Variants in RGS6 observed in about 807,000 individuals in gnomAD.
RGS6 encodes the protein regulator of G-protein signaling 6.
A neutral mutation model predicts 78.5 loss-of-function variants in RGS6; 30 were observed. That is an observed-to-expected ratio of 0.38 (90% CI 0.29 to 0.52). The LOEUF (loss-of-function observed/expected upper bound fraction) is 0.52. RGS6 is among the 20% of genes least tolerant of loss of function. The pLI, the probability that RGS6 is intolerant of heterozygous loss-of-function variation, is 0.85. For missense variants in RGS6, 495 were observed against 609.7 expected, an observed-to-expected ratio of 0.81 and a Z score of 1.98; for synonymous variants, 206 against 206.0, an observed-to-expected ratio of 1.00 and a Z score of 0.00.
intron 15 of RGS6, among the ~76,000 whole-genome samples, chr14:72,529,493 A>G (rs756872080): frequency 6.6e-6 from 1 of 152,142 alleles, no homozygotes; most frequent in African/African-American, 2.4e-5. Context: ...GGAGTTGGCC[A>G]TATGACATGG....
the RGS6 span, among the ~76,000 whole-genome samples, chr14:71,903,104 G>GGATTTAGGGTTGAAAA: frequency 6.6e-6 from 1 of 152,218 alleles, no homozygotes; most frequent in African/African-American, 2.4e-5. Flanking sequence ...AAGAACTCCA[G>GGATTTAGGGTTGAAAA]GAACCTGGGA....
At chr14:71,876,356 T>A in the RGS6 span, among the ~76,000 whole-genome samples, 11 of 152,146 alleles carry the variant, frequency 7.2e-5, no homozygotes, top group African/African-American at 2.4e-4. Context: ...ATATTTAGGA[T>A]AGTTAGCTCT....
At chr14:71,900,889 C>A in the RGS6 span, among the ~76,000 whole-genome samples, 5 of 152,066 alleles carry the variant, frequency 3.3e-5, no homozygotes, top group African/African-American at 4.8e-5. Context: ...GGTGAGCCGA[C>A]CTGTCATATG....
chr14:71,985,989 G>A (rs1345112231), intron 2 of RGS6, among the ~76,000 whole-genome samples: 1 of 152,178 alleles, frequency 6.6e-6, no homozygotes, highest in Non-Finnish European at 1.5e-5. Context: ...GCACAGTTCT[G>A]AGAAGCAGCC....
chr14:71,991,905 G>A (rs1187227690), intron 2 of RGS6, among the ~76,000 whole-genome samples: 2 of 152,182 alleles, frequency 1.3e-5, no homozygotes, highest in African/African-American at 4.8e-5. Flanking sequence ...AGCATTCACA[G>A]AAAGTGTGTA....
chr14:72,022,437 G>A (rs1488922104), intron 2 of RGS6: 1 of 152,056 alleles, frequency 6.6e-6, no homozygotes, highest in Non-Finnish European at 1.5e-5. Flanking sequence ...TAGTGAGAAG[G>A]GAGAAAAAAG....
chr14:71,916,452 A>T, the RGS6 span, among the ~76,000 whole-genome samples: 1 of 151,828 alleles, frequency 6.6e-6, no homozygotes, highest in Admixed American at 6.6e-5. Flanking sequence ...GTGCTTTATA[A>T]ATCCAGGTTC....
At chr14:72,468,284 C>G (rs1261278795) in intron 7 of RGS6, among the ~76,000 whole-genome samples, 2 of 151,576 alleles carry the variant, frequency 1.3e-5, no homozygotes, top group Non-Finnish European at 2.9e-5. Flanking sequence ...GAGGCTGAGG[C>G]AGGAGAATCC....
chr14:72,187,755 A>G (rs1359959734), intron 2 of RGS6, among the ~76,000 whole-genome samples: 1 of 152,174 alleles, frequency 6.6e-6, no homozygotes, highest in Non-Finnish European at 1.5e-5. Context: ...AAATGGGGGA[A>G]ATCATAAAAC....
intron 2 of RGS6, among the ~76,000 whole-genome samples, chr14:72,202,774 T>A (rs746200798): frequency 6.6e-6 from 1 of 152,028 alleles, no homozygotes; most frequent in Non-Finnish European, 1.5e-5. Context: ...GGGCAGTAGA[T>A]GAAAGCAAAT....
intron 2 of RGS6, among the ~76,000 whole-genome samples, chr14:72,122,977 T>C (rs1343408077): frequency 6.6e-6 from 1 of 152,166 alleles, no homozygotes; most frequent in Non-Finnish European, 1.5e-5. Flanking sequence ...TTTTGTTTTG[T>C]TTTGTTTGAG....
At chr14:72,167,247 C>T (rs900880910) in intron 2 of RGS6, among the ~76,000 whole-genome samples, 4 of 152,232 alleles carry the variant, frequency 2.6e-5, no homozygotes, top group African/African-American at 9.7e-5. Flanking sequence ...TGACTGTGGG[C>T]CAGAGATCAC....
intron 2 of RGS6, among the ~76,000 whole-genome samples, chr14:72,231,487 C>T (rs1180092473): frequency 6.6e-6 from 1 of 150,720 alleles, no homozygotes; most frequent in Non-Finnish European, 1.5e-5. Flanking sequence ...ACAGAACAGA[C>T]AAAGTCTCTG....
intron 2 of RGS6, among the ~76,000 whole-genome samples, chr14:72,264,753 C>G (rs1486404845): frequency 6.6e-6 from 1 of 152,226 alleles, no homozygotes. Flanking sequence ...AATCCTGGGT[C>G]TCTCCCAGGG....
At chr14:72,198,366 A>G (rs1027777572) in intron 2 of RGS6, among the ~76,000 whole-genome samples, 5 of 152,248 alleles carry the variant, frequency 3.3e-5, no homozygotes, top group Non-Finnish European at 2.9e-5. Flanking sequence ...TAAAAAATTA[A>G]CAAATCTCCA....
At chr14:72,577,886 A>G in the RGS6 span, among the ~76,000 whole-genome samples, 2 of 152,318 alleles carry the variant, frequency 1.3e-5, no homozygotes, top group African/African-American at 2.4e-5. Context: ...CCCAGAATAC[A>G]TCTCGCTTTA....
At chr14:72,001,476 AC>A (rs1303866336) in intron 2 of RGS6, among the ~76,000 whole-genome samples, 79 of 2,172 alleles carry the variant, frequency 0.036, no homozygotes, top group African/African-American at 0.075. Flanking sequence ...AACAGAACAC[AC>A]ACACACACAC....
At chr14:72,401,650 C>A (rs563532753) in intron 3 of RGS6, among the ~76,000 whole-genome samples, 1 of 146,716 alleles carries the variant, frequency 6.8e-6, no homozygotes, top group East Asian at 2.0e-4. Context: ...AGGAAACGTG[C>A]AATTAAATTA....
intron 3 of RGS6, among the ~76,000 whole-genome samples, chr14:72,369,837 G>A (rs2083123581): frequency 6.6e-6 from 1 of 152,026 alleles, no homozygotes; most frequent in Non-Finnish European, 1.5e-5. Flanking sequence ...AAATCAATTA[G>A]TTATAAAATA....
Sources: allele counts gnomAD v4.1 joint callset (sites outside exome capture counted in the v4.1 genomes callset), GRCh38; gene constraint gnomAD v4.1.1; transcripts MANE v1.5; gene names NCBI Gene and HGNC (gene_info 2026-07-23, HGNC 2026-07-21).